Variants in ANGPT2 observed in about 807,000 individuals in gnomAD.
The protein encoded by ANGPT2 is angiopoietin 2.
In ANGPT2, 28 loss-of-function variants were observed where a neutral mutation model predicts 62.9. The observed-to-expected ratio is 0.44, with a 90% CI of 0.33 to 0.61. ANGPT2 has a LOEUF of 0.61. Among genes scored for constraint, ANGPT2 ranks in the 20% least tolerant of loss-of-function variants. The pLI is 0.03. For missense variants in ANGPT2, 727 were observed against 594.9 expected, an observed-to-expected ratio of 1.22 and a Z score of -2.31; for synonymous variants, 284 against 207.8, an observed-to-expected ratio of 1.37 and a Z score of -3.15.
chr8:6,529,235 C>A (rs1482121107), intron 2 of ANGPT2, among the ~76,000 whole-genome samples: 1 of 152,158 alleles, frequency 6.6e-6, no homozygotes, highest in Non-Finnish European at 1.5e-5. Context: ...ATTGATCTCT[C>A]ATTCCCTTTA....
At position 6,519,867 on chromosome 8, in the gene ANGPT2, G is replaced by C; in HGVS notation, c.924C>G (p.Ile308Met). ...TAAGGGGAGACGAATACCTCACCTT[G>C]ATCTCTTCTGTAGAATTAGGGAATG... ...TLTFPNSTEE[I>M]KAYCDMEAGG... Residue 308 changes from isoleucine to methionine, a missense_variant, in exon 5 of 9, where the codon ATC (isoleucine) becomes ATG (methionine). Coordinates refer to ENST00000629816, the MANE Select transcript of ANGPT2 (RefSeq NM_001118887.2). 1 of 1,613,834 alleles carries C rather than the reference G, an allele frequency of 6.2e-7. No individual in the cohort carries two copies. The highest frequency in any genetic ancestry group is 8.5e-7 in the Non-Finnish European group (1 of 1,179,854).
chr8:6,519,445 A>G (rs1816886521), intron 5 of ANGPT2, among the ~76,000 whole-genome samples: 2 of 152,226 alleles, frequency 1.3e-5, no homozygotes, highest in Admixed American at 6.5e-5. Context: ...CTGAAAAATG[A>G]CTTTGACACA....
At position 6,502,414 on chromosome 8, in the gene ANGPT2, G is replaced by T. The variant is rs369776646; in HGVS notation, c.*687C>A. 5.9e-5 allele frequency: 9 copies of T among 152,286 alleles called. No individual in the cohort carries two copies. In the East Asian group the frequency reaches 1.5e-3, roughly 26 times the overall value. 9.4% of individuals were successfully genotyped at this position (152,286 alleles called of 1,614,324 possible). A position where few individuals can be genotyped will look rare whatever the true frequency, so the allele number is the denominator to read the frequency against. ...GCACGTTTCTGTTGATAATTTCAGA[G>T]ATTCTGGAAGTTTCTACCATATAAA... On this transcript the variant is annotated 3_prime_UTR_variant, in exon 9 of 9. Transcript: ENST00000629816.
intron 1 of ANGPT2, among the ~76,000 whole-genome samples, chr8:6,550,939 T>A (rs1823539719): frequency 6.6e-6 from 1 of 151,864 alleles, no homozygotes; most frequent in African/African-American, 2.4e-5. Flanking sequence ...AAGGAGTGCC[T>A]CTCTCTGTTT....
Position 6,547,951 on chromosome 8 carries a change from C to T in ANGPT2, c.288+14696G>A, listed in dbSNP as rs111233592. 6.0e-3 allele frequency among the ~76,000 whole-genome samples: 904 copies of T among 151,330 alleles called. 7 individuals carry two copies. Among genetic ancestry groups the T allele is most frequent in the African/African-American group, 0.02 (839 of 41,172 alleles). On this transcript the variant is annotated intron_variant, in intron 1 of 8. Transcript: ENST00000629816. ...TCTCTAGTTTGGGTTATGACTCCTA[C>T]GAGCCAGTTTAATTTTATCAGTGGC...
intron 2 of ANGPT2, among the ~76,000 whole-genome samples, chr8:6,532,015 C>T (rs533538133): frequency 5.3e-5 from 8 of 152,130 alleles, no homozygotes; most frequent in African/African-American, 9.7e-5. Flanking sequence ...AAATGATTCC[C>T]GGAGTCCAGA....
chr8:6,556,914 T>G (rs375265611), intron 1 of ANGPT2, among the ~76,000 whole-genome samples: 3 of 152,136 alleles, frequency 2.0e-5, no homozygotes, highest in African/African-American at 7.2e-5. Flanking sequence ...CCCCTCTGAC[T>G]TCTTCTAGGC....
chr8:6,523,941 C>G (rs1255839572), intron 3 of ANGPT2, among the ~76,000 whole-genome samples: 2 of 150,994 alleles, frequency 1.3e-5, no homozygotes, highest in African/African-American at 2.4e-5. Context: ...TAGCCTGACA[C>G]TACATTATTC....
chr8:6,499,749 G>A lies in ANGPT2; in HGVS notation c.*3352C>T. The A allele has an allele frequency of 3.3e-6, 3 of 921,210 alleles. No individual in the cohort carries two copies. The highest frequency in any genetic ancestry group is 5.4e-6 in the Non-Finnish European group (3 of 557,026). 57.1% of individuals were successfully genotyped at this position (921,210 alleles called of 1,614,324 possible). The stretch of plus-strand genomic sequence containing the variant: ...CTGAGAACACATCTATTTCAGATCT[G>A]CGGAGTGTATCACTTTTTGCTGTGT... On this transcript the variant is annotated 3_prime_UTR_variant, in exon 9 of 9. Transcript: ENST00000629816.
At chr8:6,557,332 C>T (rs1824790866) in intron 1 of ANGPT2, among the ~76,000 whole-genome samples, 1 of 152,100 alleles carries the variant, frequency 6.6e-6, no homozygotes, top group Non-Finnish European at 1.5e-5. Context: ...ACCTACCATA[C>T]TTGTGTACTA....
At chr8:6,552,292 C>T (rs1437438654) in intron 1 of ANGPT2, among the ~76,000 whole-genome samples, 5 of 152,174 alleles carry the variant, frequency 3.3e-5, no homozygotes, top group Admixed American at 6.5e-5. Context: ...TTACATATGA[C>T]GATGGAATGT....
At chr8:6,516,520 A>G (rs1816305610) in intron 5 of ANGPT2, among the ~76,000 whole-genome samples, 1 of 152,184 alleles carries the variant, frequency 6.6e-6, no homozygotes, top group Non-Finnish European at 1.5e-5. Context: ...GTCCCTCAAC[A>G]CAGTTCCAAG....
Position 6,502,951 on chromosome 8 carries a change from G to A in ANGPT2, c.*150C>T. On this transcript the variant is annotated 3_prime_UTR_variant, in exon 9 of 9. Transcript: ENST00000629816. ...GCAAGTTTAAGTGATAAAGTTTACAGGCTCTAATCTGGAGCATGTGGGTCC... is the reference window on the plus strand; with the variant it reads ...GCAAGTTTAAGTGATAAAGTTTACAAGCTCTAATCTGGAGCATGTGGGTCC... 1 of 824,230 alleles carries A rather than the reference G, an allele frequency of 1.2e-6. No homozygotes were observed. The highest frequency in any genetic ancestry group is 1.9e-6 in the Non-Finnish European group (1 of 530,368). The allele number at this position is 824,230 out of a possible 1,614,324, so 51.1% of individuals were successfully genotyped here.
At chr8:6,549,776 A>G (rs1483514911) in intron 1 of ANGPT2, among the ~76,000 whole-genome samples, 1 of 152,210 alleles carries the variant, frequency 6.6e-6, no homozygotes, top group Non-Finnish European at 1.5e-5. Context: ...AGTCCTCTAT[A>G]TCTTGAGCTG....
intron 2 of ANGPT2, among the ~76,000 whole-genome samples, chr8:6,529,997 A>C (rs57754223): frequency 2.0e-5 from 3 of 151,716 alleles, no homozygotes; most frequent in Admixed American, 6.6e-5. Context: ...CTTTTTCATT[A>C]CTATTATTAT....
chr8:6,524,188 C>G (rs779674871), intron 3 of ANGPT2, among the ~76,000 whole-genome samples: 1 of 152,148 alleles, frequency 6.6e-6, no homozygotes, highest in African/African-American at 2.4e-5. Context: ...AGGAAGGGGA[C>G]CTCATATTCC....
chr8:6,562,585 T>G, intron 1 of ANGPT2, 62 bp downstream of exon 1: 3 of 794,968 alleles, frequency 3.8e-6, no homozygotes, highest in Non-Finnish European at 5.2e-6. Flanking sequence ...TGTTAAAACC[T>G]GAGCTGCTGC....
At chr8:6,509,400 C>G (rs1314658159) in intron 7 of ANGPT2, among the ~76,000 whole-genome samples, 1 of 152,202 alleles carries the variant, frequency 6.6e-6, no homozygotes, top group African/African-American at 2.4e-5. Context: ...TCCCAGGTCT[C>G]CAGTCATCTT....
rs1774472621 is a variant in ANGPT2 at position 6,500,207 on chromosome 8, GAA to G, written c.*2892_*2893del. ...AGAAAAACAAAAATGAAAAAAGACTGAATTCTTGGGCAGGTAGTCTTATATCT... is the reference window on the plus strand; with the variant it reads ...AGAAAAACAAAAATGAAAAAAGACTGTTCTTGGGCAGGTAGTCTTATATCT... On this transcript the variant is annotated 3_prime_UTR_variant, in exon 9 of 9. Coordinates refer to ENST00000629816, the MANE Select transcript of ANGPT2 (RefSeq NM_001118887.2). 2 of 424,676 alleles carry G rather than the reference GAA, an allele frequency of 4.7e-6. No individual in the cohort carries two copies. The highest frequency in any genetic ancestry group is 3.6e-5 in the Admixed American group (1 of 27,778). The allele number at this position is 424,676 out of a possible 1,614,324, so 26.3% of individuals were successfully genotyped here.
Sources: allele counts gnomAD v4.1 joint callset (sites outside exome capture counted in the v4.1 genomes callset), GRCh38; gene constraint gnomAD v4.1.1; transcripts MANE v1.5; gene names NCBI Gene and HGNC (gene_info 2026-07-23, HGNC 2026-07-21).